The following SNX29 variants were observed in gnomAD, a reference collection of about 807,000 sequenced individuals.
SNX29 encodes sorting nexin 29, also known as sorting nexin-29.
Under a neutral mutation model 102.1 loss-of-function variants are expected in SNX29, and 78 were observed. The observed-to-expected ratio is 0.76, with a 90% CI of 0.64 to 0.92. The LOEUF (loss-of-function observed/expected upper bound fraction) is 0.92. Among genes scored for constraint, SNX29 ranks in the 40% least tolerant of loss-of-function variants. The probability of loss-of-function intolerance (pLI) is 0.00; values close to 1 mark genes in which losing one functional copy is unlikely to be tolerated. For synonymous variants in SNX29, 580 were observed against 414.5 expected (o/e 1.40, Z -4.85); for missense variants, 1,280 against 1,061.7 (o/e 1.21, Z -2.86).
Position 12,356,272 on chromosome 16 carries a change from G to A in SNX29, c.1892G>A (p.Arg631Gln), listed in dbSNP as rs753990058. 7 of 1,601,088 alleles carry A rather than the reference G, an allele frequency of 4.4e-6. No homozygotes were observed. Among genetic ancestry groups the A allele is most frequent in the Admixed American group, 3.4e-5 (2 of 58,252 alleles). ...SQMRQELIDLRGPVPGDLSQT... is the reference protein window; with the variant it reads ...SQMRQELIDLQGPVPGDLSQT... ...ATGAGGCAGGAGCTCATCGATCTCC[G>A]GGGACCGGTGAGTGTTTCCCCAACC... The change falls in exon 16 of 21, where the codon CGG becomes CAG. Residue 631 changes from arginine (R) to glutamine (Q), a missense_variant. Coordinates refer to ENST00000566228, the MANE Select transcript of SNX29 (RefSeq NM_032167.5).
At chr16:12,338,186 C>A (rs2081508358) in intron 15 of SNX29, among the ~76,000 whole-genome samples, 1 of 152,182 alleles carries the variant, frequency 6.6e-6, no homozygotes, top group African/African-American at 2.4e-5. Flanking sequence ...CAGACATCGC[C>A]TCTGCAGTTT....
intron 18 of SNX29, among the ~76,000 whole-genome samples, chr16:12,404,049 C>G (rs1263045821): frequency 1.3e-5 from 2 of 152,174 alleles, no homozygotes; most frequent in African/African-American, 4.8e-5. Context: ...GTGACGGACT[C>G]TGTGACTGGC....
At chr16:12,219,919 C>T (rs796571275) in intron 14 of SNX29, among the ~76,000 whole-genome samples, 4 of 152,328 alleles carry the variant, frequency 2.6e-5, no homozygotes, top group African/African-American at 7.2e-5. Context: ...AGCCCCCCAG[C>T]GCACACACGT....
chr16:12,223,964 G>A (rs1000985064), intron 14 of SNX29, among the ~76,000 whole-genome samples: 2 of 152,176 alleles, frequency 1.3e-5, no homozygotes, highest in African/African-American at 2.4e-5. Context: ...GCAGCTCATT[G>A]AAGCCCATGT....
intron 19 of SNX29, among the ~76,000 whole-genome samples, chr16:12,483,075 C>G (rs149099050): frequency 7.2e-6 from 1 of 139,068 alleles, no homozygotes; most frequent in Non-Finnish European, 1.5e-5. Flanking sequence ...TCTTTCATAG[C>G]TGAGTCAAGC....
At chr16:12,264,274 C>T (rs2078861763) in intron 14 of SNX29, among the ~76,000 whole-genome samples, 1 of 152,208 alleles carries the variant, frequency 6.6e-6, no homozygotes, top group Non-Finnish European at 1.5e-5. Context: ...GGCATAGAGT[C>T]CTAGCATTGA....
intron 15 of SNX29, 32 bp downstream of exon 15, chr16:12,278,068 T>G: frequency 6.4e-7 from 1 of 1,557,378 alleles, no homozygotes; most frequent in Non-Finnish European, 8.7e-7. Flanking sequence ...TGTCTTTGTT[T>G]CTGATGTTGG....
At chr16:12,429,883 T>C (rs1226959054) in intron 18 of SNX29, among the ~76,000 whole-genome samples, 2 of 152,172 alleles carry the variant, frequency 1.3e-5, no homozygotes, top group East Asian at 3.8e-4. Flanking sequence ...CAGATTGCAA[T>C]CTTGACTATT....
Position 12,512,369 on chromosome 16 carries a change from A to ATATATATAT in SNX29, c.2179-12333_2179-12332insTATATATAT, listed in dbSNP as rs2089660367. On this transcript the variant is annotated intron_variant, in intron 19 of 20. Coordinates refer to ENST00000566228, the MANE Select transcript of SNX29 (RefSeq NM_032167.5). ...CGTCCATCATGGAAGGCCCAGGGAAAATATATATATATATATATATATATA... is the reference window on the plus strand; with the variant it reads ...CGTCCATCATGGAAGGCCCAGGGAAATATATATATATATATATATATATATATATATATA... Among the ~76,000 whole-genome samples, 237 of 43,916 alleles carry ATATATATAT rather than the reference A, an allele frequency of 5.4e-3. 42 individuals are homozygous for ATATATATAT. The highest frequency in any genetic ancestry group is 0.013 in the Middle Eastern group (1 of 76). 28.8% of individuals were successfully genotyped at this position (43,916 alleles called of 152,430 possible). A position where few individuals can be genotyped will look rare whatever the true frequency, so the allele number is the denominator to read the frequency against.
chr16:12,089,156 G>A (rs371545885), intron 11 of SNX29, among the ~76,000 whole-genome samples: 79 of 149,530 alleles, frequency 5.3e-4, no homozygotes, highest in African/African-American at 1.8e-3. Flanking sequence ...AAGAGAAAGA[G>A]AAAGAAAGAA....
chr16:12,301,529 C>G (rs1212433420), intron 15 of SNX29, among the ~76,000 whole-genome samples: 3 of 152,250 alleles, frequency 2.0e-5, no homozygotes, highest in Admixed American at 2.0e-4. Context: ...CCAGTCTGAT[C>G]CAATGGTGCC....
At chr16:12,004,329 A>G (rs1337644026) in intron 3 of SNX29, among the ~76,000 whole-genome samples, 2 of 151,856 alleles carry the variant, frequency 1.3e-5, no homozygotes, top group Non-Finnish European at 2.9e-5. Flanking sequence ...CGACAGAGCA[A>G]GATTCCATCT....
At chr16:12,008,583 C>G (rs971885687) in intron 3 of SNX29, among the ~76,000 whole-genome samples, 6 of 151,810 alleles carry the variant, frequency 4.0e-5, no homozygotes, top group African/African-American at 1.5e-4. Context: ...TCATTTTTGA[C>G]TTACAAAAAT....
At chr16:12,286,805 C>T (rs1029013739) in intron 15 of SNX29, among the ~76,000 whole-genome samples, 1 of 152,194 alleles carries the variant, frequency 6.6e-6, no homozygotes, top group Admixed American at 6.5e-5. Flanking sequence ...AAACCTCAGC[C>T]TCTCATGGTA....
Position 12,061,626 on chromosome 16 carries a change from TG to T in SNX29, c.1226del (p.Gly409AlafsTer44). The T allele has an allele frequency of 6.2e-7, 1 of 1,611,740 alleles. No individual in the cohort carries two copies. The highest frequency in any genetic ancestry group is 2.2e-5 in the East Asian group (1 of 44,874). ...GACATCCTCTTCCCTGTCAGTGGCG[TG>T]GGCTCCTACAGCCCAGCAGGTGGGT... ...DSDILFPVSG[V>X]GSYSPADAPL... On this transcript the variant is annotated frameshift_variant, in exon 9 of 21. Coordinates refer to ENST00000566228, the MANE Select transcript of SNX29 (RefSeq NM_032167.5). LOFTEE classifies it high-confidence loss of function.
intron 18 of SNX29, among the ~76,000 whole-genome samples, chr16:12,473,397 GAAC>G (rs1480673134): frequency 6.6e-6 from 1 of 152,196 alleles, no homozygotes; most frequent in African/African-American, 2.4e-5. Flanking sequence ...ACCTTTCTGA[GAAC>G]ACAGGATCTG....
At chr16:12,317,492 C>T (rs1024509818) in intron 15 of SNX29, among the ~76,000 whole-genome samples, 1 of 152,218 alleles carries the variant, frequency 6.6e-6, no homozygotes, top group African/African-American at 2.4e-5. Context: ...CCTGGTGGCC[C>T]TTCCTGTGCC....
intron 15 of SNX29, among the ~76,000 whole-genome samples, chr16:12,305,110 C>T (rs1319645219): frequency 2.6e-5 from 4 of 152,160 alleles, no homozygotes; most frequent in East Asian, 1.9e-4. Flanking sequence ...CTGGTTATTT[C>T]GGCTTTCTAA....
chr16:12,349,622 AATTCAAAATCCAAAAT>A (rs1187544745), intron 15 of SNX29, among the ~76,000 whole-genome samples: 1 of 152,198 alleles, frequency 6.6e-6, no homozygotes, highest in Non-Finnish European at 1.5e-5. Flanking sequence ...AAATCCAAAA[AATTCAAAATCCAAAAT>A]ACTTCTGGTC....
Sources: allele counts gnomAD v4.1 joint callset (sites outside exome capture counted in the v4.1 genomes callset), GRCh38; gene constraint gnomAD v4.1.1; transcripts MANE v1.5; gene names NCBI Gene and HGNC (gene_info 2026-07-23, HGNC 2026-07-21).